PARVA: variants seen among roughly 807,000 people sequenced by gnomAD.
The protein encoded by PARVA is alpha-parvin.
PARVA carries 25 observed loss-of-function variants against 52.6 expected under a neutral mutation model. That is an observed-to-expected ratio of 0.48 (90% CI 0.35 to 0.66). The LOEUF is 0.66. PARVA is among the 30% of genes least tolerant of loss of function. PARVA has a pLI of 0.01. For missense variants in PARVA, 373 were observed against 450.9 expected (o/e 0.83, Z 1.56); for synonymous variants, 185 against 179.1 (o/e 1.03, Z -0.26).
chr11:12,377,467 C>CGCGAGGGAGGGAGCGAGGGAGGGA (rs559877023), upstream of PARVA: 5 of 1,403,628 alleles, frequency 3.6e-6, no homozygotes, highest in African/African-American at 1.5e-5. Flanking sequence ...CAGAGGGCGG[C>CGCGAGGGAGGGAGCGAGGGAGGGA]GCGAGGGAGG....
chr11:12,486,884 C>T (rs1335213366), intron 4 of PARVA, among the ~76,000 whole-genome samples: 1 of 152,162 alleles, frequency 6.6e-6, no homozygotes, highest in Non-Finnish European at 1.5e-5. Context: ...ATGAAGCTCA[C>T]ATTAGAGGAC....
intron 6 of PARVA, among the ~76,000 whole-genome samples, chr11:12,507,873 G>A (rs1941451742): frequency 6.6e-6 from 1 of 151,990 alleles, no homozygotes; most frequent in South Asian, 2.1e-4. Context: ...ATACTCCATA[G>A]TATTTGTTCT....
intron 1 of PARVA, among the ~76,000 whole-genome samples, chr11:12,416,013 T>C (rs1940060438): frequency 6.6e-6 from 1 of 152,238 alleles, no homozygotes; most frequent in East Asian, 1.9e-4. Context: ...GAACTGTTTA[T>C]AACCTCCATT....
intron 1 of PARVA, among the ~76,000 whole-genome samples, 189 bp from the exon 2 acceptor site, chr11:12,473,556 G>C (rs1295251332): frequency 6.6e-6 from 1 of 152,172 alleles, no homozygotes; most frequent in Non-Finnish European, 1.5e-5. Flanking sequence ...TGGCAGAGGT[G>C]AGATTAAGGG....
At chr11:12,464,027 A>C (rs1589967325) in intron 1 of PARVA, among the ~76,000 whole-genome samples, 1 of 113,520 alleles carries the variant, frequency 8.8e-6, no homozygotes, top group Non-Finnish European at 1.7e-5. Flanking sequence ...CTCCAAGCTT[A>C]TCTCATATAT....
At position 12,443,587 on chromosome 11, in the gene PARVA, G is replaced by GTTAAGTATATTCATTCATGCTTT. The variant is rs562166006; in HGVS notation, c.137-30133_137-30111dup. Among the ~76,000 whole-genome samples, 1,269 of 152,130 alleles carry GTTAAGTATATTCATTCATGCTTT rather than the reference G, an allele frequency of 8.3e-3. 21 individuals carry two copies. Among genetic ancestry groups the GTTAAGTATATTCATTCATGCTTT allele is most frequent in the East Asian group, 0.06 (305 of 5,124 alleles). Reference sequence around the variant, plus strand: ...ACTCTTGGCTTTTGGCAATAACAGAGTTAAGTATATTCATTCATGCTTTTT... The same window carrying GTTAAGTATATTCATTCATGCTTT: ...ACTCTTGGCTTTTGGCAATAACAGAGTTAAGTATATTCATTCATGCTTTTTAAGTATATTCATTCATGCTTTTT... On this transcript the variant is annotated intron_variant, in intron 1 of 12. Transcript: ENST00000334956.
chr11:12,416,644 CAG>C (rs1940071042), intron 1 of PARVA, among the ~76,000 whole-genome samples: 1 of 151,572 alleles, frequency 6.6e-6, no homozygotes, highest in Non-Finnish European at 1.5e-5. Flanking sequence ...GGAAGGAAAT[CAG>C]GGGAGAAAGA....
chr11:12,385,335 TAATA>T (rs779216496), intron 1 of PARVA, among the ~76,000 whole-genome samples: 4 of 151,984 alleles, frequency 2.6e-5, no homozygotes, highest in Non-Finnish European at 4.4e-5. Flanking sequence ...TCTCAATAAA[TAATA>T]AATAAATAAA....
chr11:12,509,083 T>G (rs1169221072), intron 7 of PARVA, among the ~76,000 whole-genome samples: 43 of 151,562 alleles, frequency 2.8e-4, no homozygotes, highest in Admixed American at 1.7e-3. Flanking sequence ...TGGTTTTTTT[T>G]TTTTTTTTTT....
At chr11:12,379,761 T>C (rs1013686062) in intron 1 of PARVA, among the ~76,000 whole-genome samples, 1 of 152,186 alleles carries the variant, frequency 6.6e-6, no homozygotes, top group Non-Finnish European at 1.5e-5. Context: ...AGCAAAAACA[T>C]ACAAAAGTTT....
At chr11:12,430,619 T>C (rs1189745165) in intron 1 of PARVA, among the ~76,000 whole-genome samples, 1 of 152,172 alleles carries the variant, frequency 6.6e-6, no homozygotes, top group East Asian at 1.9e-4. Flanking sequence ...TAAGCCTTAT[T>C]ACTCACATGA....
intron 1 of PARVA, among the ~76,000 whole-genome samples, chr11:12,468,676 G>A (rs887853645): frequency 6.6e-6 from 1 of 152,102 alleles, no homozygotes; most frequent in African/African-American, 2.4e-5. Context: ...CAGGGGTTGT[G>A]GCTTAATAGT....
At chr11:12,517,569 G>C in intron 10 of PARVA, 41 bp from the exon 11 acceptor site, 1 of 1,421,154 alleles carries the variant, frequency 7.0e-7, no homozygotes, top group Non-Finnish European at 9.7e-7. Flanking sequence ...GATTGGCTGG[G>C]AGGCTCAGGG....
chr11:12,514,113 GC>G (rs1941539071), intron 10 of PARVA, 48 bp downstream of exon 10: 1 of 1,482,436 alleles, frequency 6.7e-7, no homozygotes, highest in African/African-American at 1.4e-5. Flanking sequence ...CTGCCCTACA[GC>G]CCCTGTTCCA....
intron 1 of PARVA, among the ~76,000 whole-genome samples, chr11:12,412,027 G>A (rs1939998907): frequency 6.6e-6 from 1 of 152,100 alleles, no homozygotes; most frequent in Non-Finnish European, 1.5e-5. Flanking sequence ...TAATCTCTAT[G>A]CAAAGACTCT....
chr11:12,489,187 A>AGTGTT (rs1252973315), intron 4 of PARVA, among the ~76,000 whole-genome samples: 1 of 151,894 alleles, frequency 6.6e-6, no homozygotes, highest in African/African-American at 2.4e-5. Flanking sequence ...AAAAAGAAAA[A>AGTGTT]AAGTGTTCAG....
chr11:12,466,802 T>C (rs562154810), intron 1 of PARVA, among the ~76,000 whole-genome samples: 1 of 152,268 alleles, frequency 6.6e-6, no homozygotes, highest in African/African-American at 2.4e-5. Context: ...ATGTTTTTAG[T>C]AGTCTTGAAG....
intron 11 of PARVA, among the ~76,000 whole-genome samples, chr11:12,518,187 C>T (rs1397269971): frequency 1.3e-5 from 2 of 152,196 alleles, no homozygotes; most frequent in African/African-American, 4.8e-5. Flanking sequence ...AATTTGAAGT[C>T]CTGGCAGTTT....
At chr11:12,519,437 G>T (rs915432646) in intron 12 of PARVA, among the ~76,000 whole-genome samples, 1 of 152,148 alleles carries the variant, frequency 6.6e-6, no homozygotes. Context: ...CTCAAGGCAC[G>T]TGTAGCCAAC....
Sources: allele counts gnomAD v4.1 joint callset (sites outside exome capture counted in the v4.1 genomes callset), GRCh38; gene constraint gnomAD v4.1.1; transcripts MANE v1.5; gene names NCBI Gene and HGNC (gene_info 2026-07-23, HGNC 2026-07-21).